The following RPA3 variants were observed in gnomAD, a reference collection of about 807,000 sequenced individuals.
RPA3 encodes replication protein A3, also known as replication protein A 14 kDa subunit.
In RPA3, 24 loss-of-function variants were observed where a neutral mutation model predicts 13.7. The ratio of observed to expected loss-of-function variants is 1.75; its 90% CI spans 1.27 to 2.46. The LOEUF is 2.46. Among genes scored for constraint, RPA3 ranks in the 30% most tolerant of loss-of-function variants. The probability of loss-of-function intolerance (pLI) is 0.00; values close to 1 mark genes in which losing one functional copy is unlikely to be tolerated. For synonymous variants in RPA3, 59 were observed against 51.2 expected (o/e 1.15, Z -0.65); for missense variants, 183 against 151.0 (o/e 1.21, Z -1.11).
At chr7:7,657,445 C>T (rs759477491) in intron 4 of RPA3, among the ~76,000 whole-genome samples, 54 of 152,128 alleles carry the variant, frequency 3.5e-4, no homozygotes, top group Admixed American at 5.9e-4. Flanking sequence ...TATGATTTTA[C>T]GTCTTACGTT....
At chr7:7,698,493 A>G (rs370454258) in intron 2 of RPA3, among the ~76,000 whole-genome samples, 1 of 152,342 alleles carries the variant, frequency 6.6e-6, no homozygotes, top group South Asian at 2.1e-4. Flanking sequence ...CACCTGATTT[A>G]ACAAAATGTG....
At chr7:7,677,486 T>G (rs1232785746) in intron 4 of RPA3, among the ~76,000 whole-genome samples, 1 of 152,070 alleles carries the variant, frequency 6.6e-6, no homozygotes, top group African/African-American at 2.4e-5. Context: ...AGCTCCCTCA[T>G]ATGAGTGAGA....
At position 7,636,723 on chromosome 7, in the gene RPA3, C is replaced by T. The variant is rs184382989; in HGVS notation, c.*277G>A. The T allele has an allele frequency of 2.5e-5, 8 of 325,968 alleles. No homozygotes were observed. The East Asian group carries it at 5.0e-4, about 20-fold the overall frequency. The allele number at this position is 325,968 out of a possible 1,614,324, so 20.2% of individuals were successfully genotyped here. ...AAAATGAAATGACCGATAGTACGTACCATTTTAGTTTTTATTAATAAAATA... is the reference window on the plus strand; with the variant it reads ...AAAATGAAATGACCGATAGTACGTATCATTTTAGTTTTTATTAATAAAATA... On this transcript the variant is annotated 3_prime_UTR_variant, in exon 8 of 8. Coordinates refer to ENST00000223129, the MANE Select transcript of RPA3 (RefSeq NM_002947.5).
intron 4 of RPA3, among the ~76,000 whole-genome samples, chr7:7,653,210 G>C (rs1785267194): frequency 6.6e-6 from 1 of 152,164 alleles, no homozygotes; most frequent in Admixed American, 6.5e-5. Context: ...GTACAGTAGT[G>C]TTATTTACAC....
intron 2 of RPA3, among the ~76,000 whole-genome samples, chr7:7,703,552 A>T (rs1355130698): frequency 6.6e-6 from 1 of 152,218 alleles, no homozygotes; most frequent in African/African-American, 2.4e-5. Flanking sequence ...GTCCTGACTC[A>T]GGTTTCAGAC....
At chr7:7,679,816 CT>C (rs1270364024) in intron 4 of RPA3, among the ~76,000 whole-genome samples, 1 of 151,014 alleles carries the variant, frequency 6.6e-6, no homozygotes, top group African/African-American at 2.4e-5. Flanking sequence ...CTTCCTGCCT[CT>C]GCCTCCCAAA....
At chr7:7,672,556 G>A (rs1048770521) in intron 4 of RPA3, among the ~76,000 whole-genome samples, 1 of 152,178 alleles carries the variant, frequency 6.6e-6, no homozygotes, top group African/African-American at 2.4e-5. Context: ...AGGACCAGGT[G>A]TAGATAATTA....
At chr7:7,688,506 A>G (rs1438535913) in intron 2 of RPA3, among the ~76,000 whole-genome samples, 1 of 152,162 alleles carries the variant, frequency 6.6e-6, no homozygotes, top group Non-Finnish European at 1.5e-5. Context: ...TTCCTCATGC[A>G]GAGTGCCCAG....
At position 7,636,711 on chromosome 7, in the gene RPA3, C is replaced by T. The variant is rs56072266; in HGVS notation, c.*289G>A. 3 of 272,202 alleles carry T rather than the reference C, an allele frequency of 1.1e-5. No homozygotes were observed. The highest frequency in any genetic ancestry group is 2.0e-5 in the Non-Finnish European group (3 of 146,490). The allele number at this position is 272,202 out of a possible 1,614,324, so 16.9% of individuals were successfully genotyped here. Reference sequence around the variant, plus strand: ...ATTAAAAGAATGAAAATGAAATGACCGATAGTACGTACCATTTTAGTTTTT... The same window carrying T: ...ATTAAAAGAATGAAAATGAAATGACTGATAGTACGTACCATTTTAGTTTTT... On this transcript the variant is annotated 3_prime_UTR_variant, in exon 8 of 8. Coordinates refer to ENST00000223129, the MANE Select transcript of RPA3 (RefSeq NM_002947.5).
intron 4 of RPA3, among the ~76,000 whole-genome samples, chr7:7,667,302 A>T (rs981582397): frequency 1.3e-5 from 2 of 152,226 alleles, no homozygotes; most frequent in Non-Finnish European, 2.9e-5. Context: ...ATTGAAAAAA[A>T]TACTGAAAAC....
intron 2 of RPA3, among the ~76,000 whole-genome samples, chr7:7,695,289 A>G (rs529141772): frequency 2.2e-3 from 328 of 152,266 alleles, no homozygotes; most frequent in Non-Finnish European, 3.9e-3. Context: ...TCCCCACCAC[A>G]GTTTATCTCA....
At chr7:7,711,697 C>G (rs1041011091) in intron 2 of RPA3, among the ~76,000 whole-genome samples, 8 of 151,984 alleles carry the variant, frequency 5.3e-5, no homozygotes, top group Non-Finnish European at 1.0e-4. Flanking sequence ...TATTGTCTGT[C>G]ATTTAAAAAG....
At chr7:7,683,114 C>T (rs2115124835) in intron 4 of RPA3, among the ~76,000 whole-genome samples, 1 of 152,310 alleles carries the variant, frequency 6.6e-6, no homozygotes, top group Non-Finnish European at 1.5e-5. Context: ...TACTCAGAGG[C>T]AGAACTGAGC....
At chr7:7,655,762 T>C (rs1302399816) in intron 4 of RPA3, among the ~76,000 whole-genome samples, 2 of 152,192 alleles carry the variant, frequency 1.3e-5, no homozygotes, top group Non-Finnish European at 2.9e-5. Context: ...CTTTTTTATG[T>C]ATTTTAATTT....
intron 4 of RPA3, among the ~76,000 whole-genome samples, chr7:7,653,287 G>A (rs1246834103): frequency 6.6e-6 from 1 of 152,192 alleles, no homozygotes; most frequent in Non-Finnish European, 1.5e-5. Context: ...ATATAAATGT[G>A]TCACTGTATC....
chr7:7,637,046 T>G lies in RPA3; in HGVS notation c.320A>C (p.His107Pro), dbSNP rs753398283. ...TAAAGGATAAAACTGAGGGAAGTCATGGATAATTTTCACAGCTTCATTGTA... is the reference window on the plus strand; with the variant it reads ...TAAAGGATAAAACTGAGGGAAGTCAGGGATAATTTTCACAGCTTCATTGTA... The part of the protein sequence containing the change: ...GLYNEAVKII[H>P]DFPQFYPLGI... The change falls in exon 8 of 8, where the codon CAT becomes CCT. Residue 107 changes from histidine to proline, a missense_variant. Physicochemically the swap from His to Pro is moderately conservative, Grantham distance 77. Transcript: ENST00000223129. The G allele has an allele frequency of 6.2e-7, 1 of 1,612,972 alleles. No individual in the cohort carries two copies. Among genetic ancestry groups the G allele is most frequent in the Non-Finnish European group, 8.5e-7 (1 of 1,179,188 alleles).
intron 3 of RPA3, 141 bp downstream of exon 3, chr7:7,687,087 G>A (rs963150629): frequency 1.3e-5 from 2 of 152,164 alleles, no homozygotes; most frequent in Non-Finnish European, 2.9e-5. Context: ...GTTCTGTTCT[G>A]TTTGAGCAAC....
At chr7:7,704,766 CAAAAAAAAAAAAAAA>C (rs71011001) in intron 2 of RPA3, among the ~76,000 whole-genome samples, 3 of 17,826 alleles carry the variant, frequency 1.7e-4, no homozygotes, top group African/African-American at 6.3e-4. Flanking sequence ...GACTCCATCT[CAAAAAAAAAAAAAAA>C]AAAAAAAAAA....
In RPA3 at chr7:7,667,055, C is replaced by T. The variant is rs28992772; in HGVS notation, c.-758+18775G>A. 2.6e-4 allele frequency among the ~76,000 whole-genome samples: 39 copies of T among 152,274 alleles called. 1 individual carries two copies. In the East Asian group the frequency reaches 7.1e-3, roughly 28 times the overall value. ...AACTCCTAACCTCAGGTGATCCACCCGCCTTGGCCCCGCAAAGTGCTGGGA... is the reference window on the plus strand; with the variant it reads ...AACTCCTAACCTCAGGTGATCCACCTGCCTTGGCCCCGCAAAGTGCTGGGA... On this transcript the variant is annotated intron_variant, in intron 4 of 7. Transcript: ENST00000223129.
Sources: gnomAD v4.1 joint callset for allele counts (sites outside exome capture counted in the v4.1 genomes callset) on GRCh38, gnomAD v4.1.1 for gene constraint, MANE v1.5 for transcripts, NCBI Gene and HGNC (gene_info 2026-07-23, HGNC 2026-07-21) for gene names.